CEP15: variants seen among roughly 807,000 people sequenced by gnomAD.
The protein encoded by CEP15 is centrosomal protein 15, also known as centrosomal protein 15 kDa.
the CEP15 span, chr3:62,333,401 G>A: frequency 3.1e-6 from 5 of 1,604,930 alleles, no homozygotes; most frequent in Non-Finnish European, 2.5e-6. This position sits in a 1 kb window ranked among gnomAD's most constrained non-coding sequence, Gnocchi z 4.0. Flanking sequence ...TTCTTCACAT[G>A]CTATTTCAAA....
chr3:62,327,825 A>T, the CEP15 span, among the ~76,000 whole-genome samples: 1 of 152,150 alleles, frequency 6.6e-6, no homozygotes, highest in Non-Finnish European at 1.5e-5. Flanking sequence ...ATGGTGACGA[A>T]TGAGGTGGTA....
the CEP15 span, chr3:62,333,828 AAATT>A: frequency 6.5e-6 from 1 of 152,714 alleles, no homozygotes; most frequent in Non-Finnish European, 1.5e-5. The surrounding 1 kb of genome is among the most constrained non-coding windows in gnomAD (Gnocchi z 4.0). Context: ...TTCTTTTAAC[AAATT>A]AAAAGACAAT....
chr3:62,333,273 G>A, the CEP15 span: 9 of 1,610,068 alleles, frequency 5.6e-6, no homozygotes, highest in Non-Finnish European at 7.6e-6. This position sits in a 1 kb window ranked among gnomAD's most constrained non-coding sequence, Gnocchi z 4.0. Context: ...CTGGGCATCA[G>A]TAGAAGAATA....
chr3:62,332,250 G>A, the CEP15 span, among the ~76,000 whole-genome samples: 2 of 152,116 alleles, frequency 1.3e-5, no homozygotes, highest in African/African-American at 4.8e-5. Flanking sequence ...GCCTCAGATG[G>A]TATTTTTCTT....
the CEP15 span, chr3:62,331,265 AC>A: frequency 1.4e-6 from 2 of 1,436,698 alleles, no homozygotes; most frequent in South Asian, 2.3e-5. Context: ...TATTGCTAGT[AC>A]AGGTGCCATT....
the CEP15 span, chr3:62,331,218 C>A: frequency 1.2e-6 from 1 of 862,600 alleles, no homozygotes; most frequent in Non-Finnish European, 1.9e-6. Flanking sequence ...CAGATTATAT[C>A]CAGAGAAGAG....
At chr3:62,332,638 C>T in the CEP15 span, among the ~76,000 whole-genome samples, 5 of 152,122 alleles carry the variant, frequency 3.3e-5, no homozygotes, top group Admixed American at 2.6e-4. Context: ...TCTCAACTTC[C>T]AAGCTATTTG....
chr3:62,331,395 T>C, the CEP15 span: 3 of 1,612,208 alleles, frequency 1.9e-6, no homozygotes, highest in South Asian at 1.1e-5. Context: ...GTGGTTTCTC[T>C]TGAGGTGAGC....
chr3:62,335,609 A>G, the CEP15 span: 1 of 152,146 alleles, frequency 6.6e-6, no homozygotes, highest in Non-Finnish European at 1.5e-5. Flanking sequence ...TATTTTTTCT[A>G]CAATTAGTAG....
the CEP15 span, chr3:62,335,859 T>C: frequency 2.8e-4 from 42 of 152,068 alleles, no homozygotes; most frequent in Admixed American, 2.8e-3. Flanking sequence ...ACACTTCTGG[T>C]ATATGAAATT....
At chr3:62,331,254 A>C in the CEP15 span, 5 of 1,310,742 alleles carry the variant, frequency 3.8e-6, no homozygotes, top group Non-Finnish European at 5.5e-6. Context: ...TGGGATACAG[A>C]TATTGCTAGT....
At chr3:62,320,425 G>C in the CEP15 span, 2 of 1,499,524 alleles carry the variant, frequency 1.3e-6, no homozygotes, top group Non-Finnish European at 1.8e-6. Context: ...ACATGTGGTA[G>C]AAGTAACTTT....
the CEP15 span, among the ~76,000 whole-genome samples, chr3:62,324,915 A>G: frequency 1.3e-5 from 2 of 152,234 alleles, no homozygotes; most frequent in African/African-American, 2.4e-5. Flanking sequence ...AAAGTATAAC[A>G]CTAGCATTTT....
At chr3:62,333,450 G>C in the CEP15 span, 28 of 1,531,158 alleles carry the variant, frequency 1.8e-5, no homozygotes, top group Non-Finnish European at 2.3e-5. This position sits in a 1 kb window ranked among gnomAD's most constrained non-coding sequence, Gnocchi z 4.0. Flanking sequence ...GGTGTATGTA[G>C]GTTATTGCAG....
At chr3:62,323,178 A>G in the CEP15 span, among the ~76,000 whole-genome samples, 8 of 152,232 alleles carry the variant, frequency 5.3e-5, no homozygotes, top group Non-Finnish European at 1.2e-4. Context: ...AGTTCTGGGC[A>G]GAAAGTAGGG....
chr3:62,329,383 T>C, the CEP15 span, among the ~76,000 whole-genome samples: 1 of 152,102 alleles, frequency 6.6e-6, no homozygotes, highest in Non-Finnish European at 1.5e-5. Flanking sequence ...GTAAAAGTTA[T>C]TAAAGCTAGA....
the CEP15 span, chr3:62,322,058 G>T: frequency 6.2e-7 from 1 of 1,600,294 alleles, no homozygotes; most frequent in African/African-American, 1.3e-5. This position sits in a 1 kb window ranked among gnomAD's most constrained non-coding sequence, Gnocchi z 5.5. Flanking sequence ...TTAAAGGTAA[G>T]TTTCCATGAC....
At chr3:62,332,823 A>G in the CEP15 span, among the ~76,000 whole-genome samples, 1 of 152,112 alleles carries the variant, frequency 6.6e-6, no homozygotes, top group Non-Finnish European at 1.5e-5. Flanking sequence ...TTTGATGTTA[A>G]TCCTGAAGCA....
At chr3:62,320,026 C>G in the CEP15 span, among the ~76,000 whole-genome samples, 2 of 152,192 alleles carry the variant, frequency 1.3e-5, no homozygotes, top group Non-Finnish European at 2.9e-5. Flanking sequence ...AAAGGAAAGA[C>G]CTTGAATTTC....
Sources: gnomAD v4.1 joint callset for allele counts (sites outside exome capture counted in the v4.1 genomes callset) on GRCh38, gnomAD v4.1.1 for gene constraint, Gnocchi (gnomAD v3.1) non-coding constraint, MANE v1.5 for transcripts, NCBI Gene and HGNC (gene_info 2026-07-23, HGNC 2026-07-21) for gene names.